The following PTGIS variants were observed in gnomAD, a reference collection of about 807,000 sequenced individuals.
The protein encoded by PTGIS is prostacyclin synthase.
A neutral mutation model predicts 50.3 loss-of-function variants in PTGIS; 45 were observed. That is an observed-to-expected ratio of 0.90 (90% CI 0.70 to 1.15). The LOEUF is 1.15. PTGIS is among the 50% of genes most tolerant of loss of function. The pLI is 0.00. For synonymous variants in PTGIS, 260 were observed against 267.7 expected, an observed-to-expected ratio of 0.97 and a Z score of 0.28; for missense variants, 668 against 661.3, an observed-to-expected ratio of 1.01 and a Z score of -0.11.
chr20:49,508,133 G>A, intron 9 of PTGIS, 69 bp from the exon 10 acceptor site: 1 of 1,570,602 alleles, frequency 6.4e-7, no homozygotes, highest in Non-Finnish European at 8.7e-7. Flanking sequence ...AACAAGGCAG[G>A]GGAGCCATGG....
Position 49,537,186 on chromosome 20 carries a change from G to T in PTGIS, c.673+2384C>A, listed in dbSNP as rs145332634. 7.5e-3 allele frequency among the ~76,000 whole-genome samples: 1,146 copies of T among 152,284 alleles called. 12 individuals are homozygous for T. Among genetic ancestry groups the T allele is most frequent in the African/African-American group, 0.026 (1,090 of 41,536 alleles). On this transcript the variant is annotated intron_variant, in intron 5 of 9. Transcript: ENST00000244043. ...GATTCCTATGGACCTGGATGGGGCT[G>T]AGGGACCTACGTTATGAAGAAGGGC...
At chr20:49,511,602 T>C (rs11696748) in intron 8 of PTGIS, among the ~76,000 whole-genome samples, 33,141 of 152,098 alleles carry the variant, frequency 0.22, 3,851 homozygotes, top group Middle Eastern at 0.33. Context: ...TCTGTATTTC[T>C]TTATATTCTA....
At chr20:49,514,082 G>T in intron 7 of PTGIS, 145 bp downstream of exon 7, 1 of 911,074 alleles carries the variant, frequency 1.1e-6, no homozygotes, top group Non-Finnish European at 1.7e-6. Flanking sequence ...GATGCCAGGT[G>T]TGTGAAGATA....
At chr20:49,517,459 T>A (rs924812334) in intron 6 of PTGIS, among the ~76,000 whole-genome samples, 25 of 146,620 alleles carry the variant, frequency 1.7e-4, no homozygotes, top group African/African-American at 6.8e-4. Flanking sequence ...TGTGAGTGTG[T>A]GTGTGTGTGT....
At position 49,550,225 on chromosome 20, in the gene PTGIS, G is replaced by A. The variant is rs370043694; in HGVS notation, c.75-36C>T. ...CATGGCACTTGTCACCATTTGATAAGGCAAGGAAGGGCATAAAGAGTGTAG... is the reference window on the plus strand; with the variant it reads ...CATGGCACTTGTCACCATTTGATAAAGCAAGGAAGGGCATAAAGAGTGTAG... On this transcript the variant is annotated intron_variant, in intron 1 of 9. Coordinates refer to ENST00000244043, the MANE Select transcript of PTGIS (RefSeq NM_000961.4). 3.1e-6 allele frequency: 5 copies of A among 1,606,128 alleles called. No homozygotes were observed. The South Asian group carries it at 5.5e-5, about 18-fold the overall frequency.
intron 5 of PTGIS, among the ~76,000 whole-genome samples, chr20:49,537,317 T>G (rs896935871): frequency 6.6e-6 from 1 of 152,198 alleles, no homozygotes; most frequent in African/African-American, 2.4e-5. Flanking sequence ...CAGGACACTC[T>G]ACCAACACTA....
intron 6 of PTGIS, among the ~76,000 whole-genome samples, chr20:49,518,499 T>A (rs1294151404): frequency 6.6e-6 from 1 of 152,214 alleles, no homozygotes; most frequent in African/African-American, 2.4e-5. Flanking sequence ...AGACTTTAGT[T>A]ACTAGCAATG....
At chr20:49,531,919 T>C (rs1020006391) in intron 5 of PTGIS, among the ~76,000 whole-genome samples, 3 of 152,198 alleles carry the variant, frequency 2.0e-5, no homozygotes, top group Admixed American at 1.3e-4. Flanking sequence ...TGTGAGCCAC[T>C]GTGCGCAGCC....
intron 5 of PTGIS, among the ~76,000 whole-genome samples, chr20:49,526,305 A>G (rs552050267): frequency 5.9e-4 from 90 of 152,362 alleles, no homozygotes; most frequent in African/African-American, 2.1e-3. Flanking sequence ...AAAAGAGGCA[A>G]AGAAATTTAA....
chr20:49,560,301 G>A (rs1288024688), intron 1 of PTGIS, among the ~76,000 whole-genome samples: 5 of 152,028 alleles, frequency 3.3e-5, no homozygotes, highest in South Asian at 4.2e-4. Context: ...TTGGACTCAC[G>A]CAATCCTCCA....
chr20:49,529,333 C>T (rs1464630716), intron 5 of PTGIS, among the ~76,000 whole-genome samples: 1 of 152,152 alleles, frequency 6.6e-6, no homozygotes, highest in Non-Finnish European at 1.5e-5. Context: ...TTTTTTAGCT[C>T]CCACGTATAA....
At chr20:49,525,755 T>C (rs555350814) in intron 5 of PTGIS, among the ~76,000 whole-genome samples, 1 of 152,292 alleles carries the variant, frequency 6.6e-6, no homozygotes, top group Admixed American at 6.5e-5. Context: ...GAGAGTCATT[T>C]TGGATTGCTC....
chr20:49,508,236 C>T (rs1981209393), intron 9 of PTGIS, among the ~76,000 whole-genome samples, 172 bp from the exon 10 acceptor site: 1 of 152,200 alleles, frequency 6.6e-6, no homozygotes, highest in Admixed American at 6.5e-5. Context: ...CATTTGCCAG[C>T]CCCCTGTAAG....
chr20:49,568,026 C>T lies in PTGIS; in HGVS notation c.74+17G>A. On this transcript the variant is annotated intron_variant, in intron 1 of 9. Coordinates refer to ENST00000244043, the MANE Select transcript of PTGIS (RefSeq NM_000961.4). ...GCCCCCTTTGTCTGGCGGGGCCGAG[C>T]GGAGCAGGACACTCACCGCGTGCGG... 1.4e-6 allele frequency: 2 copies of T among 1,470,848 alleles called. No homozygotes were observed. Among genetic ancestry groups the T allele is most frequent in the East Asian group, 3.0e-5 (1 of 33,820 alleles). 91.1% of individuals were successfully genotyped at this position (1,470,848 alleles called of 1,614,324 possible).
intron 6 of PTGIS, among the ~76,000 whole-genome samples, chr20:49,521,589 A>G (rs80350403): frequency 1.8e-4 from 28 of 152,310 alleles, no homozygotes; most frequent in Admixed American, 8.5e-4. Context: ...ATCTCTGCAC[A>G]TAAATATGTT....
chr20:49,568,016 C>G, intron 1 of PTGIS, 27 bp downstream of exon 1: 3 of 1,469,822 alleles, frequency 2.0e-6, no homozygotes, highest in Non-Finnish European at 2.7e-6. Context: ...CTTTGTCTGG[C>G]GGGGCCGAGC....
intron 5 of PTGIS, among the ~76,000 whole-genome samples, chr20:49,533,304 G>A (rs529625028): frequency 6.6e-6 from 1 of 152,160 alleles, no homozygotes; most frequent in South Asian, 2.1e-4. Flanking sequence ...TTTGATATAA[G>A]AATGCCTTTT....
chr20:49,510,806 T>C (rs1348123945), intron 9 of PTGIS, among the ~76,000 whole-genome samples: 1 of 152,174 alleles, frequency 6.6e-6, no homozygotes, highest in Non-Finnish European at 1.5e-5. Context: ...CCAGATCTGA[T>C]TATTTCAAAA....
At chr20:49,567,309 G>C (rs1349480228) in intron 1 of PTGIS, among the ~76,000 whole-genome samples, 1 of 152,208 alleles carries the variant, frequency 6.6e-6, no homozygotes, top group Non-Finnish European at 1.5e-5. Context: ...CAATGGAGCT[G>C]GAAAACCTTT....
Sources: gnomAD v4.1 joint callset for allele counts (sites outside exome capture counted in the v4.1 genomes callset) on GRCh38, gnomAD v4.1.1 for gene constraint, MANE v1.5 for transcripts, NCBI Gene and HGNC (gene_info 2026-07-23, HGNC 2026-07-21) for gene names.